RAD18: variants seen among roughly 807,000 people sequenced by gnomAD.
RAD18 encodes E3 ubiquitin-protein ligase RAD18.
In RAD18, 47 loss-of-function variants were observed where a neutral mutation model predicts 60.4. The ratio of observed to expected loss-of-function variants is 0.78; its 90% confidence interval spans 0.62 to 0.99. The LOEUF is 0.99. Among genes scored for constraint, RAD18 ranks in the 50% least tolerant of loss-of-function variants. The pLI, the probability that RAD18 is intolerant of heterozygous loss-of-function variation, is 0.00. For synonymous variants in RAD18, 225 were observed against 195.5 expected, an observed-to-expected ratio of 1.15 and a Z score of -1.26; for missense variants, 640 against 593.3, an observed-to-expected ratio of 1.08 and a Z score of -0.82.
At chr3:8,930,512 A>C (rs1419296723) in intron 7 of RAD18, among the ~76,000 whole-genome samples, 2 of 152,192 alleles carry the variant, frequency 1.3e-5, no homozygotes, top group Non-Finnish European at 2.9e-5. Flanking sequence ...ACTGAAAACC[A>C]CTGAACTGTA....
chr3:8,889,632 G>A (rs1939647539), intron 12 of RAD18, among the ~76,000 whole-genome samples: 1 of 152,166 alleles, frequency 6.6e-6, no homozygotes, highest in Admixed American at 6.5e-5. Flanking sequence ...AAGGCTCTGT[G>A]GTGGGAGAGA....
intron 11 of RAD18, among the ~76,000 whole-genome samples, chr3:8,891,283 T>C (rs868623773): frequency 2.0e-5 from 3 of 151,926 alleles, no homozygotes; most frequent in South Asian, 4.2e-4. Flanking sequence ...AAGAGTAAAG[T>C]AAGCTTCTTG....
intron 8 of RAD18, among the ~76,000 whole-genome samples, chr3:8,912,973 T>C (rs1164136658): frequency 1.3e-5 from 2 of 152,176 alleles, no homozygotes; most frequent in Non-Finnish European, 2.9e-5. Context: ...CTTATTTGGT[T>C]ACAAACTTAC....
intron 7 of RAD18, among the ~76,000 whole-genome samples, chr3:8,932,826 G>A (rs903723602): frequency 3.3e-5 from 5 of 152,264 alleles, no homozygotes; most frequent in South Asian, 2.1e-4. Context: ...GGCTGGGCAC[G>A]GGGGCTCATG....
chr3:8,924,138 C>T (rs1940381335), intron 7 of RAD18, among the ~76,000 whole-genome samples: 1 of 152,188 alleles, frequency 6.6e-6, no homozygotes, highest in South Asian at 2.1e-4. Flanking sequence ...AGAGTCAAGA[C>T]CCATCAGTGT....
At position 8,887,917 on chromosome 3, in the gene RAD18, C is replaced by A. The variant is rs181607956; in HGVS notation, c.1385+2472G>T. 2.6e-5 allele frequency among the ~76,000 whole-genome samples: 4 copies of A among 152,270 alleles called. No individual in the cohort carries two copies. In the East Asian group the frequency reaches 7.7e-4, roughly 29 times the overall value. Reference sequence around the variant, plus strand: ...GTATGCCTGTGACATGCAAACTAACCAATCCAGAGTCACAACTCCTCTATC... The same window carrying A: ...GTATGCCTGTGACATGCAAACTAACAAATCCAGAGTCACAACTCCTCTATC... On this transcript the variant is annotated intron_variant, in intron 12 of 12. Transcript: ENST00000264926.
chr3:8,918,956 C>A (rs958494528), intron 7 of RAD18, among the ~76,000 whole-genome samples: 1 of 152,154 alleles, frequency 6.6e-6, no homozygotes, highest in Non-Finnish European at 1.5e-5. Flanking sequence ...GACAACTGCA[C>A]CCTCTCAACT....
At position 8,881,455 on chromosome 3, in the gene RAD18, C is replaced by A. The variant is rs774383366; in HGVS notation, c.1390G>T (p.Asp464Tyr). The change falls in exon 13 of 13, where the codon GAT becomes TAT. Residue 464 changes from aspartate to tyrosine, a missense_variant. Asp to Tyr is a radical substitution (Grantham distance 160). Transcript: ENST00000264926. ...GGACTTATTTCTGTGTCTTGAAGAT[C>A]GTTTCTGAAGACAGAAAAAGGAAAT... Reference protein sequence around the residue: ...EEAWEASHKNDLQDTEISPRQ... With the variant: ...EEAWEASHKNYLQDTEISPRQ... The A allele has an allele frequency of 3.7e-6, 6 of 1,602,330 alleles. No individual in the cohort carries two copies. The East Asian group carries it at 1.3e-4, about 36-fold the overall frequency.
At chr3:8,921,605 A>C (rs899552808) in intron 7 of RAD18, among the ~76,000 whole-genome samples, 2 of 152,114 alleles carry the variant, frequency 1.3e-5, no homozygotes, top group African/African-American at 4.8e-5. Context: ...GCGCCACTGC[A>C]CTCCAACCTG....
At chr3:8,925,272 A>G (rs1379895559) in intron 7 of RAD18, among the ~76,000 whole-genome samples, 1 of 152,218 alleles carries the variant, frequency 6.6e-6, no homozygotes, top group Non-Finnish European at 1.5e-5. Context: ...ATCAGAGAAT[A>G]CTATAAACAC....
chr3:8,937,656 G>A (rs1283715133), intron 6 of RAD18, among the ~76,000 whole-genome samples: 1 of 152,166 alleles, frequency 6.6e-6, no homozygotes, highest in Non-Finnish European at 1.5e-5. Flanking sequence ...GTTGTCTTCA[G>A]AATCTCCACA....
intron 4 of RAD18, 37 bp downstream of exon 4, chr3:8,947,183 A>G (rs1279647085): frequency 6.7e-7 from 1 of 1,501,078 alleles, no homozygotes; most frequent in South Asian, 1.1e-5. Context: ...ATAAAAGGCA[A>G]AAGTAGTTAG....
intron 9 of RAD18, among the ~76,000 whole-genome samples, chr3:8,910,338 C>T (rs894717992): frequency 5.9e-5 from 9 of 152,168 alleles, no homozygotes; most frequent in African/African-American, 9.7e-5. Context: ...CAGTGGCTCA[C>T]GCCTGTAATC....
Position 8,887,718 on chromosome 3 carries a change from G to C in RAD18, c.1385+2671C>G, listed in dbSNP as rs939011090. ...AAGTAAAGTAAAAGTCTTGCAAGTA[G>C]AGTCTTCAGGGAACCATCAGACAGG... On this transcript the variant is annotated intron_variant, in intron 12 of 12. Transcript: ENST00000264926. 3.3e-5 allele frequency among the ~76,000 whole-genome samples: 5 copies of C among 152,166 alleles called. No individual in the cohort carries two copies. The East Asian group carries it at 9.7e-4, about 29-fold the overall frequency.
rs894381805 is a variant in RAD18, at chr3:8,879,125, A to T, written c.*2232T>A. ...GTAGACTTGGGAGTTCCTTTACATT[A>T]CAGGTTTCTCAGTCTTGGCACAACT... On this transcript the variant is annotated 3_prime_UTR_variant, in exon 13 of 13. Coordinates refer to ENST00000264926, the MANE Select transcript of RAD18 (RefSeq NM_020165.4). 6.6e-6 allele frequency: 1 copy of T among 152,196 alleles called. No homozygotes were observed. The highest frequency in any genetic ancestry group is 1.5e-5 in the Non-Finnish European group (1 of 68,036). The allele number at this position is 152,196 out of a possible 1,614,324, so 9.4% of individuals were successfully genotyped here.
intron 2 of RAD18, among the ~76,000 whole-genome samples, chr3:8,949,436 C>A (rs1240323743): frequency 6.6e-6 from 1 of 151,904 alleles, no homozygotes; most frequent in Non-Finnish European, 1.5e-5. Flanking sequence ...GTAAGAGCAC[C>A]CCAGGAGGAA....
At chr3:8,950,517 C>T (rs983749991) in intron 2 of RAD18, among the ~76,000 whole-genome samples, 31 of 152,160 alleles carry the variant, frequency 2.0e-4, no homozygotes, top group Non-Finnish European at 4.0e-4. Flanking sequence ...ATTCACAGTC[C>T]AGGGGCAAAG....
intron 12 of RAD18, among the ~76,000 whole-genome samples, chr3:8,883,825 C>T (rs1407082126): frequency 2.6e-5 from 4 of 152,144 alleles, no homozygotes; most frequent in Admixed American, 2.6e-4. Context: ...TCATTTACCC[C>T]AACTGTTATC....
chr3:8,952,428 C>A (rs1439309700), intron 2 of RAD18, among the ~76,000 whole-genome samples: 1 of 152,168 alleles, frequency 6.6e-6, no homozygotes, highest in Non-Finnish European at 1.5e-5. Flanking sequence ...AGCTCAGTCA[C>A]CTAGGGAGAT....
Sources: gnomAD v4.1 joint callset for allele counts (sites outside exome capture counted in the v4.1 genomes callset) on GRCh38, gnomAD v4.1.1 for gene constraint, MANE v1.5 for transcripts, NCBI Gene and HGNC (gene_info 2026-07-23, HGNC 2026-07-21) for gene names.